The following RNF157 variants were observed in gnomAD, a reference collection of about 807,000 sequenced individuals.
RNF157 encodes the protein E3 ubiquitin ligase RNF157.
In RNF157, 55 loss-of-function variants were observed where a neutral mutation model predicts 88.3. That is an observed-to-expected ratio of 0.62 (90% CI 0.50 to 0.78). The LOEUF (loss-of-function observed/expected upper bound fraction) is 0.78. Ranked by LOEUF, RNF157 falls within the 30% of genes least tolerant of loss-of-function variation. The pLI, the probability that RNF157 is intolerant of heterozygous loss-of-function variation, is 0.00. For missense variants in RNF157, 788 were observed against 860.8 expected (o/e 0.92, Z 1.06); for synonymous variants, 334 against 341.2 (o/e 0.98, Z 0.23).
At chr17:76,203,769 CTTT>C (rs778913227) in intron 2 of RNF157, among the ~76,000 whole-genome samples, 3 of 104,846 alleles carry the variant, frequency 2.9e-5, no homozygotes, top group Non-Finnish European at 2.0e-5. Flanking sequence ...AGTTTTGTTG[CTTT>C]TTTTTTTTTT....
chr17:76,223,091 C>T lies in RNF157; in HGVS notation c.89-10609G>A, dbSNP rs536003582. 2.2e-3 allele frequency among the ~76,000 whole-genome samples: 334 copies of T among 151,886 alleles called. 1 individual carries two copies. Among genetic ancestry groups the T allele is most frequent in the African/African-American group, 7.4e-3 (305 of 41,436 alleles). On this transcript the variant is annotated intron_variant, in intron 1 of 18. Coordinates refer to ENST00000269391, the MANE Select transcript of RNF157 (RefSeq NM_052916.3). ...ATTTTTAGTAGAGACGGGGTTTCAC[C>T]GTGTTAGCCAGGATGGTTTTGATCT...
At chr17:76,210,212 A>G (rs2069758627) in intron 2 of RNF157, among the ~76,000 whole-genome samples, 1 of 152,220 alleles carries the variant, frequency 6.6e-6, no homozygotes, top group Non-Finnish European at 1.5e-5. Flanking sequence ...ATTACTTGAC[A>G]TAACTTAACT....
chr17:76,156,107 G>T, intron 14 of RNF157, 103 bp downstream of exon 14: 2 of 860,802 alleles, frequency 2.3e-6, no homozygotes, highest in African/African-American at 1.7e-5. Flanking sequence ...TGCAGTACAG[G>T]TATTAGCTTG....
chr17:76,205,765 T>TAAATA (rs1568062335), intron 2 of RNF157, among the ~76,000 whole-genome samples: 1 of 140,740 alleles, frequency 7.1e-6, no homozygotes, highest in African/African-American at 3.0e-5. Context: ...ATAAATAAAA[T>TAAATA]AATAATGCCA....
intron 1 of RNF157, among the ~76,000 whole-genome samples, chr17:76,231,265 C>G (rs941622281): frequency 3.3e-5 from 5 of 152,190 alleles, no homozygotes; most frequent in East Asian, 1.9e-4. Flanking sequence ...CCAAAGTGCT[C>G]AGATTACAGG....
intron 18 of RNF157, among the ~76,000 whole-genome samples, chr17:76,150,397 G>T (rs1054797586): frequency 1.1e-4 from 17 of 152,156 alleles, no homozygotes; most frequent in African/African-American, 4.1e-4. Flanking sequence ...ATTCCATGGA[G>T]TAACTATCAA....
intron 1 of RNF157, among the ~76,000 whole-genome samples, chr17:76,224,613 A>G (rs2070045546): frequency 6.6e-6 from 1 of 152,090 alleles, no homozygotes; most frequent in Admixed American, 6.6e-5. Flanking sequence ...TTCCCCCTAG[A>G]GCAAGGGTGC....
rs113766547 is a variant in RNF157, at chr17:76,155,396, T to C, written c.1699-79A>G. 1,363 of 1,512,182 alleles carry C rather than the reference T, an allele frequency of 9.0e-4. 10 individuals carry two copies. Among genetic ancestry groups the C allele is most frequent in the African/African-American group, 8.1e-3 (589 of 72,894 alleles). The allele number at this position is 1,512,182 out of a possible 1,614,324, so 93.7% of individuals were successfully genotyped here. A position where few individuals can be genotyped will look rare whatever the true frequency, so the allele number is the denominator to read the frequency against. ...AACCCAAACCTTCTTCAGAACAAAA[T>C]TGGTGTCAAATAGGAGGGTCAGACC... is the stretch of plus-strand genomic sequence containing the variant. On this transcript the variant is annotated intron_variant, in intron 15 of 18. Transcript: ENST00000269391.
intron 1 of RNF157, among the ~76,000 whole-genome samples, chr17:76,235,945 G>A (rs1317599881): frequency 6.6e-6 from 1 of 152,154 alleles, no homozygotes; most frequent in Non-Finnish European, 1.5e-5. Flanking sequence ...GGACTTTGAG[G>A]TTACAGTGAG....
chr17:76,151,430 C>T lies in RNF157; in HGVS notation c.1921+925G>A, dbSNP rs562411234. Among the ~76,000 whole-genome samples the T allele has an allele frequency of 1.2e-4, 19 of 152,282 alleles. No homozygotes were observed. The East Asian group carries it at 3.7e-3, about 29-fold the overall frequency. On this transcript the variant is annotated intron_variant, in intron 18 of 18. Coordinates refer to ENST00000269391, the MANE Select transcript of RNF157 (RefSeq NM_052916.3). ...GTGGCTCCAACGCCTCCAGCCACGTCGCTGAGCGAGTAAAGCACTGGACCC... is the reference window on the plus strand; with the variant it reads ...GTGGCTCCAACGCCTCCAGCCACGTTGCTGAGCGAGTAAAGCACTGGACCC...
chr17:76,153,972 G>C (rs1034714121), intron 17 of RNF157: 1 of 304,134 alleles, frequency 3.3e-6, no homozygotes, highest in South Asian at 3.6e-5. Flanking sequence ...CTGCAGCAGG[G>C]AGGCTGATGA....
At chr17:76,179,762 T>C (rs1439743312) in intron 2 of RNF157, among the ~76,000 whole-genome samples, 1 of 152,174 alleles carries the variant, frequency 6.6e-6, no homozygotes, top group Non-Finnish European at 1.5e-5. Context: ...CAGGTAAGTA[T>C]GAAAGGAAAG....
At chr17:76,236,427 CTT>C (rs1347348005) in intron 1 of RNF157, among the ~76,000 whole-genome samples, 3 of 152,272 alleles carry the variant, frequency 2.0e-5, no homozygotes, top group Middle Eastern at 3.4e-3. Context: ...AAAGCCATAC[CTT>C]TCTTTGCTAA....
At chr17:76,183,449 A>G (rs903960463) in intron 2 of RNF157, among the ~76,000 whole-genome samples, 3 of 151,878 alleles carry the variant, frequency 2.0e-5, no homozygotes, top group Non-Finnish European at 4.4e-5. Flanking sequence ...ATTCACATAA[A>G]GTTTTTTTTT....
chr17:76,237,872 C>A lies in RNF157; in HGVS notation c.88+2281G>T, dbSNP rs2070308272. The stretch of plus-strand genomic sequence containing the variant: ...GAGGCAGGCGGATCACCTGAGAGGT[C>A]AGGAGTTCAAGACTTGCCTGGCCAA... On this transcript the variant is annotated intron_variant, in intron 1 of 18. Transcript: ENST00000269391. 2.0e-5 allele frequency among the ~76,000 whole-genome samples: 3 copies of A among 152,006 alleles called. No homozygotes were observed. In the South Asian group the frequency reaches 6.2e-4, roughly 32 times the overall value.
chr17:76,177,741 G>A (rs1335336362), intron 2 of RNF157, among the ~76,000 whole-genome samples: 1 of 152,172 alleles, frequency 6.6e-6, no homozygotes, highest in Non-Finnish European at 1.5e-5. Flanking sequence ...CAGAGCAGAG[G>A]TTGGGACCAC....
rs2068781971 is a variant in RNF157 at position 76,157,288 on chromosome 17, G to A, written c.1414-967C>T. On this transcript the variant is annotated intron_variant, in intron 13 of 18. Transcript: ENST00000269391. This position sits in a 1 kb window ranked among gnomAD's most constrained non-coding sequence, Gnocchi z 5.6. ...GCCAGTCACACAGTCCTTCTTGCCT[G>A]GGCTACTGAAACCCTCTCCTGGCTG... Among the ~76,000 whole-genome samples the A allele has an allele frequency of 6.6e-6, 1 of 152,184 alleles. No individual in the cohort carries two copies.
chr17:76,227,424 A>C (rs192204610), intron 1 of RNF157, among the ~76,000 whole-genome samples: 81 of 151,858 alleles, frequency 5.3e-4, no homozygotes, highest in African/African-American at 1.9e-3. Context: ...CCTGGCCTAT[A>C]ATCTCTTCAG....
At chr17:76,175,972 C>A (rs565487032) in intron 2 of RNF157, among the ~76,000 whole-genome samples, 1 of 152,192 alleles carries the variant, frequency 6.6e-6, no homozygotes, top group Admixed American at 6.5e-5. Context: ...ATAAATCCAC[C>A]CCTATACTTT....
Sources: gnomAD v4.1 joint callset for allele counts (sites outside exome capture counted in the v4.1 genomes callset) on GRCh38, gnomAD v4.1.1 for gene constraint, Gnocchi (gnomAD v3.1) non-coding constraint, MANE v1.5 for transcripts, NCBI Gene and HGNC (gene_info 2026-07-23, HGNC 2026-07-21) for gene names.